Variants in PDE10A observed in about 807,000 individuals in gnomAD.
The protein encoded by PDE10A is cAMP and cAMP-inhibited cGMP 3',5'-cyclic phosphodiesterase 10A.
Under a neutral mutation model 97.7 loss-of-function variants are expected in PDE10A, and 39 were observed. That is an observed-to-expected ratio of 0.40 (90% CI 0.31 to 0.52). The LOEUF is 0.52. Ranked by LOEUF, PDE10A falls within the 20% of genes least tolerant of loss-of-function variation. The pLI is 0.56. For missense variants in PDE10A, 731 were observed against 1,047.8 expected (o/e 0.70, Z 4.17); for synonymous variants, 371 against 376.8 (o/e 0.98, Z 0.18).
intron 1 of PDE10A, among the ~76,000 whole-genome samples, chr6:165,586,497 C>G (rs1785920397): frequency 6.6e-6 from 1 of 152,036 alleles, no homozygotes; most frequent in Admixed American, 6.6e-5. Flanking sequence ...CCAGGTGGGG[C>G]AAATAGTCAT....
chr6:165,945,862 CATAG>C (rs1167268912), intron 1 of PDE10A, among the ~76,000 whole-genome samples: 2 of 152,178 alleles, frequency 1.3e-5, no homozygotes, highest in African/African-American at 2.4e-5. Flanking sequence ...CTGTCTACTT[CATAG>C]ATAAATAATT....
intron 3 of PDE10A, among the ~76,000 whole-genome samples, chr6:165,462,489 A>G (rs1778382682): frequency 6.6e-6 from 1 of 152,202 alleles, no homozygotes; most frequent in African/African-American, 2.4e-5. Flanking sequence ...TCCAGGACCA[A>G]ATCAACAGCC....
intron 12 of PDE10A, among the ~76,000 whole-genome samples, chr6:165,415,874 T>C (rs1004754089): frequency 1.3e-5 from 2 of 152,170 alleles, no homozygotes; most frequent in Non-Finnish European, 2.9e-5. Context: ...ACATGTTTGT[T>C]ACAAAATCAT....
At chr6:165,837,659 G>GTTTT (rs386409265) in intron 1 of PDE10A, among the ~76,000 whole-genome samples, 3 of 83,486 alleles carry the variant, frequency 3.6e-5, no homozygotes, top group Admixed American at 1.5e-4. Context: ...ATCTCTCCTG[G>GTTTT]TTTTTTTTTT....
intron 13 of PDE10A, 60 bp from the exon 14 acceptor site, chr6:165,396,519 T>C: frequency 6.7e-7 from 1 of 1,498,248 alleles, no homozygotes; most frequent in Non-Finnish European, 9.1e-7. Context: ...AACTGTTTTG[T>C]CACGGAAGTT....
intron 13 of PDE10A, among the ~76,000 whole-genome samples, chr6:165,399,002 G>C (rs1786414974): frequency 6.6e-6 from 1 of 152,102 alleles, no homozygotes; most frequent in Admixed American, 6.5e-5. Flanking sequence ...TTTAATACCA[G>C]TCAAAAGAAA....
At chr6:165,740,081 A>G (rs999043064) in intron 1 of PDE10A, among the ~76,000 whole-genome samples, 3 of 152,206 alleles carry the variant, frequency 2.0e-5, no homozygotes, top group African/African-American at 7.2e-5. Flanking sequence ...TGGAATTACC[A>G]TATGACCTGG....
At chr6:165,629,707 T>C (rs1788546486) in intron 1 of PDE10A, among the ~76,000 whole-genome samples, 2 of 152,030 alleles carry the variant, frequency 1.3e-5, no homozygotes, top group Admixed American at 1.3e-4. Flanking sequence ...CTAATTTTTG[T>C]ATTTTTTGTG....
intron 13 of PDE10A, among the ~76,000 whole-genome samples, chr6:165,409,122 A>G (rs220764): frequency 0.69 from 97,854 of 142,400 alleles, 34,288 homozygotes; most frequent in Middle Eastern, 0.83. Context: ...CCGAGATGGC[A>G]CCACTGCACT....
rs1780496138 is a variant in PDE10A at position 165,848,873 on chromosome 6, GAGAGA to G, written c.-615+138651_-615+138655del. Among the ~76,000 whole-genome samples, 5 of 152,262 alleles carry G rather than the reference GAGAGA, an allele frequency of 3.3e-5. No homozygotes were observed. The South Asian group carries it at 1.0e-3, about 32-fold the overall frequency. ...ATCTGATGAGGGCAAGGTGGGGCAG[GAGAGA>G]ATCTGTGATGTGAGGAATTCTCACC... On this transcript the variant is annotated intron_variant, in intron 1 of 19. Coordinates refer to the PDE10A transcript ENST00000366882.
At chr6:165,699,543 C>T (rs1791518898) in intron 1 of PDE10A, among the ~76,000 whole-genome samples, 2 of 152,122 alleles carry the variant, frequency 1.3e-5, no homozygotes, top group Admixed American at 6.5e-5. Flanking sequence ...GAGTATACAT[C>T]CTCAAGAGCA....
chr6:165,668,442 A>G (rs1790550767), intron 1 of PDE10A, among the ~76,000 whole-genome samples: 1 of 152,228 alleles, frequency 6.6e-6, no homozygotes, highest in South Asian at 2.1e-4. Flanking sequence ...GTTGCTTGAA[A>G]TAAGTAGCTC....
rs111939887 is a variant in PDE10A, at chr6:165,662,988, G to A, written c.-177C>T. 0.01 allele frequency among the ~76,000 whole-genome samples: 1,535 copies of A among 151,474 alleles called. 32 individuals carry two copies. The highest frequency in any genetic ancestry group is 0.035 in the African/African-American group (1,454 of 41,394). On this transcript the variant is annotated 5_prime_UTR_variant, in exon 1 of 22. Coordinates refer to ENST00000539869, the MANE Select transcript of PDE10A (RefSeq NM_001385079.1). ...CCAGTCTAGTCTTCACATTGTGCTC[G>A]GCTTGGGTTGCGGGAGGACCCGGGC... is the stretch of plus-strand genomic sequence containing the variant.
chr6:165,796,031 T>C (rs952757878), intron 1 of PDE10A, among the ~76,000 whole-genome samples: 4 of 152,034 alleles, frequency 2.6e-5, no homozygotes, highest in Non-Finnish European at 5.9e-5. Flanking sequence ...GTCTCTGAAT[T>C]CAACACAGGA....
In PDE10A at chr6:165,866,477, G is replaced by A. The variant is rs558536221; in HGVS notation, c.-615+121052C>T. On this transcript the variant is annotated intron_variant, in intron 1 of 19. Transcript: ENST00000366882. ...ACCATACACAGTCATGCACTGGTGC[G>A]TAAGGGCATCCGCAGTCTCTTAACT... Among the ~76,000 whole-genome samples the A allele has an allele frequency of 4.0e-5, 6 of 151,752 alleles. No homozygotes were observed. The South Asian group carries it at 6.3e-4, about 16-fold the overall frequency.
intron 1 of PDE10A, among the ~76,000 whole-genome samples, chr6:165,896,887 C>T (rs771868157): frequency 6.6e-6 from 1 of 151,926 alleles, no homozygotes; most frequent in African/African-American, 2.4e-5. Flanking sequence ...TCAGGCTGGT[C>T]GTGAACTCCA....
chr6:165,646,475 T>C (rs1789403817), intron 1 of PDE10A, among the ~76,000 whole-genome samples: 2 of 152,318 alleles, frequency 1.3e-5, no homozygotes, highest in South Asian at 4.1e-4. Flanking sequence ...ATGAGAAAAT[T>C]AGAGTGCTGA....
At chr6:165,985,447 C>T (rs1335305475) in intron 1 of PDE10A, among the ~76,000 whole-genome samples, 2 of 152,264 alleles carry the variant, frequency 1.3e-5, no homozygotes, top group Non-Finnish European at 2.9e-5. Context: ...AAGAAGTACC[C>T]AATTGCTTTC....
In PDE10A at chr6:165,506,872, G is replaced by A. The variant is rs140156971; in HGVS notation, c.995-24529C>T. On this transcript the variant is annotated intron_variant, in intron 2 of 21. Transcript: ENST00000539869. ...ATAACAATCAAAGACTTATCTCTTCGCCCTACTTTGCATTGCATTCTCTGA... is the reference window on the plus strand; with the variant it reads ...ATAACAATCAAAGACTTATCTCTTCACCCTACTTTGCATTGCATTCTCTGA... Among the ~76,000 whole-genome samples the A allele has an allele frequency of 5.9e-3, 894 of 152,116 alleles. 4 individuals are homozygous for A. The highest frequency in any genetic ancestry group is 0.01 in the Middle Eastern group (3 of 294).
Sources: gnomAD v4.1 joint callset for allele counts (sites outside exome capture counted in the v4.1 genomes callset) on GRCh38, gnomAD v4.1.1 for gene constraint, MANE v1.5 for transcripts, NCBI Gene and HGNC (gene_info 2026-07-23, HGNC 2026-07-21) for gene names.